PHACTR1: variants seen among roughly 807,000 people sequenced by gnomAD.
PHACTR1 encodes phosphatase and actin regulator 1.
PHACTR1 carries 16 observed loss-of-function variants against 69.2 expected under a neutral mutation model. The observed-to-expected ratio is 0.23, with a 90% CI of 0.16 to 0.35. The LOEUF is 0.35. Among genes scored for constraint, PHACTR1 ranks in the 10% least tolerant of loss-of-function variants. The pLI is 1.00. For synonymous variants in PHACTR1, 312 were observed against 284.5 expected (o/e 1.10, Z -0.97); for missense variants, 510 against 734.7 (o/e 0.69, Z 3.54).
At chr6:13,271,811 T>G (rs1296944103) in intron 10 of PHACTR1, among the ~76,000 whole-genome samples, 1 of 152,144 alleles carries the variant, frequency 6.6e-6, no homozygotes, top group Non-Finnish European at 1.5e-5. Flanking sequence ...CTTGATATTT[T>G]CACTCTAGGA....
At chr6:13,030,902 G>A (rs1802367988) in intron 4 of PHACTR1, among the ~76,000 whole-genome samples, 1 of 152,136 alleles carries the variant, frequency 6.6e-6, no homozygotes, top group South Asian at 2.1e-4. Context: ...TGACATTTTG[G>A]GCCAGATCAT....
chr6:13,126,174 A>G (rs900056950), intron 5 of PHACTR1, among the ~76,000 whole-genome samples: 1 of 152,090 alleles, frequency 6.6e-6, no homozygotes, highest in Non-Finnish European at 1.5e-5. Flanking sequence ...GCTGTGTGTG[A>G]GTGTGTGTAA....
At chr6:12,900,619 G>C (rs913345975) in intron 4 of PHACTR1, among the ~76,000 whole-genome samples, 4 of 152,150 alleles carry the variant, frequency 2.6e-5, no homozygotes, top group African/African-American at 9.7e-5. Context: ...GATTACCTGA[G>C]CCCAGGAGGT....
At chr6:13,224,973 T>C (rs955200800) in intron 8 of PHACTR1, among the ~76,000 whole-genome samples, 2 of 152,142 alleles carry the variant, frequency 1.3e-5, no homozygotes, top group Non-Finnish European at 2.9e-5. Context: ...GCCCTACAAT[T>C]TGGCCAATGT....
At chr6:12,844,803 T>C (rs1779040133) in intron 4 of PHACTR1, among the ~76,000 whole-genome samples, 1 of 151,492 alleles carries the variant, frequency 6.6e-6, no homozygotes, top group Non-Finnish European at 1.5e-5. Flanking sequence ...ACTAAAGAAA[T>C]GATGGGAAAG....
chr6:13,190,085 A>G (rs1763328226), intron 7 of PHACTR1, among the ~76,000 whole-genome samples: 1 of 145,448 alleles, frequency 6.9e-6, no homozygotes, highest in South Asian at 2.1e-4. Context: ...GTGCAGTGGC[A>G]TGATCTTGGC....
At chr6:13,225,964 C>A (rs949929483) in intron 8 of PHACTR1, among the ~76,000 whole-genome samples, 1 of 152,224 alleles carries the variant, frequency 6.6e-6, no homozygotes, top group Admixed American at 6.5e-5. Flanking sequence ...AAGTCCCCAG[C>A]CCCACTTTCA....
At chr6:12,853,899 T>C (rs1370903617) in intron 4 of PHACTR1, among the ~76,000 whole-genome samples, 2 of 152,166 alleles carry the variant, frequency 1.3e-5, no homozygotes, top group Non-Finnish European at 2.9e-5. Context: ...GCTTCATGGA[T>C]GAGAAGGTAC....
At position 13,245,607 on chromosome 6, in the gene PHACTR1, G is replaced by A. The variant is rs1773484598; in HGVS notation, c.1391+15414G>A. ...AATATTTTCTCCCATTCTGTAGCTT[G>A]TCTGTTTACTCTGTTGACAGTTTCT... is the stretch of plus-strand genomic sequence containing the variant. On this transcript the variant is annotated intron_variant, in intron 10 of 14. Transcript: ENST00000332995. This position sits in a 1 kb window ranked among gnomAD's most constrained non-coding sequence, Gnocchi z 4.1. Among the ~76,000 whole-genome samples, 1 of 152,118 alleles carries A rather than the reference G, an allele frequency of 6.6e-6. No individual in the cohort carries two copies. Among genetic ancestry groups the A allele is most frequent in the South Asian group, 2.1e-4 (1 of 4,830 alleles).
At chr6:12,933,811 T>TAGAG (rs773874286) in intron 4 of PHACTR1, 1 of 1,612,732 alleles carries the variant, frequency 6.2e-7, no homozygotes, top group Admixed American at 1.7e-5. Flanking sequence ...GACAATTCTC[T>TAGAG]ACTCAGGGTA....
intron 4 of PHACTR1, among the ~76,000 whole-genome samples, chr6:12,876,456 C>T (rs986739650): frequency 6.6e-6 from 1 of 152,202 alleles, no homozygotes; most frequent in East Asian, 1.9e-4. Context: ...AGCTAGTAAA[C>T]TGCAGAGTTA....
chr6:13,037,080 T>C (rs1261393748), intron 4 of PHACTR1, among the ~76,000 whole-genome samples: 6 of 152,144 alleles, frequency 3.9e-5, no homozygotes, highest in Non-Finnish European at 8.8e-5. Flanking sequence ...ATATAGCAAA[T>C]GTATCAATGA....
intron 5 of PHACTR1, among the ~76,000 whole-genome samples, chr6:13,135,025 C>A (rs1351947576): frequency 6.6e-6 from 1 of 152,164 alleles, no homozygotes; most frequent in South Asian, 2.1e-4. Flanking sequence ...ATTGCCAATT[C>A]TTCCATTGTT....
intron 4 of PHACTR1, among the ~76,000 whole-genome samples, chr6:12,858,630 C>CA (rs960026024): frequency 4.6e-5 from 7 of 151,292 alleles, no homozygotes; most frequent in Middle Eastern, 6.8e-3. Flanking sequence ...CCCATCTCTA[C>CA]AAAAAAAAAT....
intron 4 of PHACTR1, among the ~76,000 whole-genome samples, chr6:12,955,922 G>C (rs560770264): frequency 2.8e-4 from 43 of 152,276 alleles, no homozygotes; most frequent in African/African-American, 9.1e-4. Context: ...CTGACCTCAG[G>C]GGGGTATGTG....
chr6:12,888,883 G>A (rs1337760995), intron 4 of PHACTR1, among the ~76,000 whole-genome samples: 1 of 152,208 alleles, frequency 6.6e-6, no homozygotes, highest in Non-Finnish European at 1.5e-5. Context: ...TGATGGAAAT[G>A]TGCAATGCTT....
intron 4 of PHACTR1, among the ~76,000 whole-genome samples, chr6:12,891,707 A>T (rs1396350870): frequency 6.6e-6 from 1 of 152,242 alleles, no homozygotes; most frequent in Non-Finnish European, 1.5e-5. Context: ...TTTTATGAAC[A>T]TGTAACCTAT....
chr6:12,760,746 A>C (rs1581631932), intron 4 of PHACTR1, among the ~76,000 whole-genome samples: 1 of 152,186 alleles, frequency 6.6e-6, no homozygotes, highest in Non-Finnish European at 1.5e-5. Context: ...CAGCCTGCCC[A>C]ACATGATGAA....
chr6:13,153,726 A>G (rs1583610312), intron 5 of PHACTR1, among the ~76,000 whole-genome samples: 1 of 152,344 alleles, frequency 6.6e-6, no homozygotes. Flanking sequence ...CTTCTAAGCC[A>G]CATATTCATT....
Sources: allele counts gnomAD v4.1 joint callset (sites outside exome capture counted in the v4.1 genomes callset), GRCh38; gene constraint gnomAD v4.1.1; non-coding constraint Gnocchi (gnomAD v3.1); transcripts MANE v1.5; gene names NCBI Gene and HGNC (gene_info 2026-07-23, HGNC 2026-07-21).